Variants in KLRG2 observed in about 807,000 individuals in gnomAD.
KLRG2 encodes killer cell lectin like receptor G2, also known as killer cell lectin-like receptor subfamily G member 2.
Under a neutral mutation model 35.4 loss-of-function variants are expected in KLRG2, and 39 were observed. The ratio of observed to expected loss-of-function variants is 1.10; its 90% confidence interval spans 0.85 to 1.44. The LOEUF (loss-of-function observed/expected upper bound fraction) is 1.44, where lower values mean the gene tolerates loss of function less well. Ranked by LOEUF, KLRG2 falls within the 40% of genes most tolerant of loss-of-function variation. KLRG2 has a pLI of 0.00. For synonymous variants in KLRG2, 283 were observed against 265.8 expected (o/e 1.06, Z -0.63); for missense variants, 632 against 570.9 (o/e 1.11, Z -1.09).
At chr7:139,460,041 C>T (rs151139868) in intron 3 of KLRG2, among the ~76,000 whole-genome samples, 44 of 152,184 alleles carry the variant, frequency 2.9e-4, no homozygotes, top group South Asian at 8.3e-4. Context: ...TGAGCCCCCG[C>T]GCCTGGCCAT....
At chr7:139,436,610 C>T in the KLRG2 span, among the ~76,000 whole-genome samples, 10 of 152,122 alleles carry the variant, frequency 6.6e-5, no homozygotes, top group Admixed American at 2.6e-4. Context: ...GAAGAGGGGT[C>T]GAGGCAGGAC....
At chr7:139,437,023 C>T in the KLRG2 span, among the ~76,000 whole-genome samples, 28 of 152,082 alleles carry the variant, frequency 1.8e-4, no homozygotes, top group African/African-American at 6.5e-4. Context: ...TGACAGGGGA[C>T]GAAGAACAAC....
At chr7:139,470,423 T>C (rs536900690) in intron 3 of KLRG2, among the ~76,000 whole-genome samples, 1 of 152,308 alleles carries the variant, frequency 6.6e-6, no homozygotes, top group South Asian at 2.1e-4. Context: ...TCTGGCCTTA[T>C]GTGGAAATAC....
chr7:139,480,241 G>C lies in KLRG2; in HGVS notation c.764C>G (p.Pro255Arg). ...CCAGTACAGGGACTTCACGTACATGGGTAGCCCTGGGACGGGGGCAAACAG... is the reference window on the plus strand; with the variant it reads ...CCAGTACAGGGACTTCACGTACATGCGTAGCCCTGGGACGGGGGCAAACAG... ...LPRAVTLTGL[P>R]MYVKSLYWAL... The change falls in exon 2 of 5, where the codon CCC (proline) becomes CGC (arginine). Residue 255 changes from proline to arginine, a missense_variant. By Grantham distance (103) the Pro-to-Arg change is moderately radical (BLOSUM62 -2). Transcript: ENST00000340940. 14 of 1,593,466 alleles carry C rather than the reference G, an allele frequency of 8.8e-6. No individual in the cohort carries two copies. The highest frequency in any genetic ancestry group is 1.2e-5 in the Non-Finnish European group (14 of 1,161,604).
At chr7:139,481,397 G>C (rs1796957468) in intron 1 of KLRG2, among the ~76,000 whole-genome samples, 3 of 152,304 alleles carry the variant, frequency 2.0e-5, no homozygotes, top group Middle Eastern at 3.4e-3. Flanking sequence ...ATCAAACTCT[G>C]CAAAAGTTCC....
the KLRG2 span, among the ~76,000 whole-genome samples, chr7:139,435,297 C>A: frequency 6.6e-6 from 1 of 152,262 alleles, no homozygotes; most frequent in African/African-American, 2.4e-5. Flanking sequence ...CGAGACCAGC[C>A]TGGCCAACAT....
At chr7:139,438,835 C>T in the KLRG2 span, among the ~76,000 whole-genome samples, 1 of 151,878 alleles carries the variant, frequency 6.6e-6, no homozygotes. Flanking sequence ...GCCACCACAC[C>T]CGGCTAATTT....
At chr7:139,434,755 T>C in the KLRG2 span, among the ~76,000 whole-genome samples, 3 of 152,172 alleles carry the variant, frequency 2.0e-5, no homozygotes, top group African/African-American at 7.2e-5. Context: ...AAGAGGGCGC[T>C]AGTGAGGCGG....
chr7:139,483,522 G>A lies in KLRG2; in HGVS notation c.121C>T (p.Pro41Ser), dbSNP rs1797010793. The A allele has an allele frequency of 6.3e-7, 1 of 1,599,122 alleles. No homozygotes were observed. The highest frequency in any genetic ancestry group is 8.5e-7 in the Non-Finnish European group (1 of 1,178,894). The change falls in exon 1 of 5, where the codon CCT (proline) becomes TCT (serine). Residue 41 changes from proline to serine, a missense_variant. Transcript: ENST00000340940. ...CTTGGGCTGCTTTCGGGACCTTCAG[G>A]TTGTCGCACCTTCGCGGGCACCTGC... ...QPQVPAKVRQPEGPESSPSPA... is the reference protein window; with the variant it reads ...QPQVPAKVRQSEGPESSPSPA...
chr7:139,464,010 C>T (rs1262024714), intron 3 of KLRG2, among the ~76,000 whole-genome samples: 2 of 152,256 alleles, frequency 1.3e-5, no homozygotes, highest in East Asian at 3.9e-4. Context: ...CTTTTATATA[C>T]TCCTTCTAGT....
chr7:139,431,284 C>T, the KLRG2 span, among the ~76,000 whole-genome samples: 2 of 152,186 alleles, frequency 1.3e-5, no homozygotes, highest in African/African-American at 4.8e-5. Flanking sequence ...AGAGAGGGAA[C>T]TTTCTAGCGT....
the KLRG2 span, among the ~76,000 whole-genome samples, chr7:139,436,349 C>A: frequency 1.9e-4 from 29 of 151,630 alleles, no homozygotes; most frequent in African/African-American, 5.9e-4. Flanking sequence ...CCCCCCCCTT[C>A]ACACCTCTGC....
downstream of KLRG2, among the ~76,000 whole-genome samples, chr7:139,448,463 C>T (rs895904946): frequency 5.3e-5 from 8 of 152,190 alleles, no homozygotes; most frequent in African/African-American, 1.9e-4. Context: ...GCACTGAATA[C>T]TGTTGGCAAC....
chr7:139,454,792 G>A (rs1168828031), intron 3 of KLRG2, among the ~76,000 whole-genome samples: 1 of 150,274 alleles, frequency 6.7e-6, no homozygotes, highest in Non-Finnish European at 1.5e-5. Flanking sequence ...TTCCAGCCTG[G>A]GCTGACAAGA....
chr7:139,474,719 C>A (rs1029693434), intron 3 of KLRG2, among the ~76,000 whole-genome samples: 2 of 152,030 alleles, frequency 1.3e-5, no homozygotes, highest in African/African-American at 4.8e-5. Context: ...TGAGATCGCC[C>A]CACTGCACTC....
chr7:139,465,424 G>GGCTC (rs1796634966), intron 3 of KLRG2, among the ~76,000 whole-genome samples: 1 of 152,204 alleles, frequency 6.6e-6, no homozygotes, highest in Non-Finnish European at 1.5e-5. Flanking sequence ...CGGGCGCGGT[G>GGCTC]GCTCACGCCT....
At chr7:139,452,271 C>T (rs575551054), downstream of KLRG2, among the ~76,000 whole-genome samples, 27 of 152,020 alleles carry the variant, frequency 1.8e-4, no homozygotes, top group Non-Finnish European at 2.8e-4. Flanking sequence ...CCACCGTGCC[C>T]GGCCTCCATT....
At chr7:139,429,711 A>G in the KLRG2 span, among the ~76,000 whole-genome samples, 1 of 152,170 alleles carries the variant, frequency 6.6e-6, no homozygotes. Context: ...GATCAACAGG[A>G]TCCCAAGGCA....
In KLRG2 at chr7:139,455,573, G is replaced by A. The variant is rs142895617; in HGVS notation, c.1006-1359C>T. On this transcript the variant is annotated intron_variant, in intron 3 of 4. Transcript: ENST00000340940. ...CCTGACCTCGTGATCCGCCTGCCTC[G>A]GCCTCTCAAAGTGCTGGGATTACAG... Among the ~76,000 whole-genome samples, 12 of 150,578 alleles carry A rather than the reference G, an allele frequency of 8.0e-5. 1 individual carries two copies. The highest frequency in any genetic ancestry group is 6.0e-4 in the East Asian group (3 of 5,014).
Sources: allele counts gnomAD v4.1 joint callset (sites outside exome capture counted in the v4.1 genomes callset), GRCh38; gene constraint gnomAD v4.1.1; transcripts MANE v1.5; gene names NCBI Gene and HGNC (gene_info 2026-07-23, HGNC 2026-07-21).